MAGI2: variants seen among roughly 807,000 people sequenced by gnomAD.
MAGI2 encodes membrane associated guanylate kinase, WW and PDZ domain containing 2.
MAGI2 carries 35 observed loss-of-function variants against 133.3 expected under a neutral mutation model. The ratio of observed to expected loss-of-function variants is 0.26; its 90% CI spans 0.20 to 0.35. The LOEUF (loss-of-function observed/expected upper bound fraction) is 0.35. Among genes scored for constraint, MAGI2 ranks in the 10% least tolerant of loss-of-function variants. The pLI is 1.00. For missense variants in MAGI2, 1,636 were observed against 1,863.4 expected (o/e 0.88, Z 2.25); for synonymous variants, 729 against 710.6 (o/e 1.03, Z -0.41).
intron 1 of MAGI2, chr7:79,343,375 T>C (rs547982043): frequency 6.6e-6 from 1 of 152,244 alleles, no homozygotes; most frequent in East Asian, 1.9e-4. Flanking sequence ...GTGAGCACCA[T>C]GAGGAACCAC....
chr7:79,176,269 G>C (rs534933163), intron 1 of MAGI2, among the ~76,000 whole-genome samples: 42 of 151,950 alleles, frequency 2.8e-4, no homozygotes, highest in African/African-American at 9.9e-4. Flanking sequence ...CCCCTTCCTG[G>C]TATTGCCCAC....
At chr7:78,579,500 C>G (rs1013563941) in intron 3 of MAGI2, among the ~76,000 whole-genome samples, 1 of 152,132 alleles carries the variant, frequency 6.6e-6, no homozygotes, top group Non-Finnish European at 1.5e-5. Flanking sequence ...CCAGGGAGAA[C>G]AAAGATTAAC....
At chr7:79,016,593 C>T (rs1387282742) in intron 1 of MAGI2, among the ~76,000 whole-genome samples, 2 of 152,172 alleles carry the variant, frequency 1.3e-5, no homozygotes, top group East Asian at 1.9e-4. Flanking sequence ...CCCTACATTG[C>T]TTTGCTGAGG....
At chr7:78,083,577 A>G (rs1399463569) in intron 20 of MAGI2, among the ~76,000 whole-genome samples, 3 of 152,158 alleles carry the variant, frequency 2.0e-5, no homozygotes, top group East Asian at 1.9e-4. Context: ...TTTTTTTCCT[A>G]TGGAAGAAAT....
chr7:78,174,741 C>T (rs1049035040), intron 14 of MAGI2, among the ~76,000 whole-genome samples: 4 of 152,124 alleles, frequency 2.6e-5, no homozygotes, highest in Admixed American at 2.0e-4. Context: ...TGACCATACC[C>T]GAAAGACCAG....
intron 21 of MAGI2, among the ~76,000 whole-genome samples, chr7:78,070,168 CACACACATATAT>C (rs1814370584): frequency 1.3e-5 from 1 of 78,102 alleles, no homozygotes; most frequent in Non-Finnish European, 2.3e-5. Flanking sequence ...TATATACACA[CACACACATATAT>C]ATATATATAT....
chr7:78,659,659 T>C (rs1812718005), intron 2 of MAGI2, among the ~76,000 whole-genome samples: 1 of 152,020 alleles, frequency 6.6e-6, no homozygotes, highest in Admixed American at 6.6e-5. Flanking sequence ...TAGGGAAATA[T>C]GGTGGCTATA....
At chr7:79,390,429 T>C (rs1844517967) in intron 1 of MAGI2, among the ~76,000 whole-genome samples, 2 of 152,164 alleles carry the variant, frequency 1.3e-5, no homozygotes, top group South Asian at 2.1e-4. Context: ...AAATAAAACA[T>C]TAAAGCAAAT....
chr7:79,381,940 G>A (rs188137130), intron 1 of MAGI2, among the ~76,000 whole-genome samples: 112 of 151,708 alleles, frequency 7.4e-4, no homozygotes, highest in Non-Finnish European at 1.4e-3. Context: ...ATATTTGTCT[G>A]AGCTCCTCAC....
Position 78,028,467 on chromosome 7 carries a change from G to A in MAGI2, c.3707-8491C>T, listed in dbSNP as rs552940575. On this transcript the variant is annotated intron_variant, in intron 21 of 21. Coordinates refer to ENST00000354212, the MANE Select transcript of MAGI2 (RefSeq NM_012301.4). ...AGGTGGGGCTGTTAACAATGGAGCA[G>A]CTATCTACTGAGAGCCTTCTATGTA... Among the ~76,000 whole-genome samples the A allele has an allele frequency of 1.6e-4, 25 of 152,322 alleles. No homozygotes were observed. The East Asian group carries it at 4.8e-3, about 29-fold the overall frequency.
intron 1 of MAGI2, among the ~76,000 whole-genome samples, chr7:79,061,673 C>A: frequency 6.6e-6 from 1 of 151,962 alleles, no homozygotes; most frequent in East Asian, 1.9e-4. Flanking sequence ...ACTTTGTATG[C>A]CAATAACAGT....
Position 78,256,435 on chromosome 7 carries a change from G to A in MAGI2, c.1555C>T (p.Pro519Ser). ...GYPLPFDPED[P>S]ANSMVPPLAI... ...AGGGGTGGCACCATGCTGTTAGCAG[G>A]GTCTTCAGGATCAAAGGGCAAAGGG... Residue 519 changes from proline (P) to serine (S), a missense_variant, in exon 10 of 22, where the codon CCT becomes TCT. This residue lies in a region of MAGI2 where 920 missense variants were observed against 1,093.5 expected (regional missense o/e 0.84). Coordinates refer to ENST00000354212, the MANE Select transcript of MAGI2 (RefSeq NM_012301.4). 1 of 1,613,906 alleles carries A rather than the reference G, an allele frequency of 6.2e-7. No homozygotes were observed. Among genetic ancestry groups the A allele is most frequent in the Non-Finnish European group, 8.5e-7 (1 of 1,179,964 alleles).
chr7:78,635,555 T>C (rs1306805686), intron 2 of MAGI2, among the ~76,000 whole-genome samples: 6 of 152,238 alleles, frequency 3.9e-5, no homozygotes, highest in Admixed American at 1.3e-4. Flanking sequence ...ATTAAGTCAA[T>C]GTATTCTAAG....
At chr7:79,037,315 A>G (rs1811217315) in intron 1 of MAGI2, among the ~76,000 whole-genome samples, 1 of 152,176 alleles carries the variant, frequency 6.6e-6, no homozygotes, top group South Asian at 2.1e-4. Flanking sequence ...GACCATAATT[A>G]TACTTCTGGT....
intron 1 of MAGI2, among the ~76,000 whole-genome samples, chr7:79,328,037 T>C (rs1839823952): frequency 6.6e-6 from 1 of 152,200 alleles, no homozygotes; most frequent in Admixed American, 6.5e-5. Flanking sequence ...ATGTTTCAAC[T>C]ACATTTCAGT....
intron 1 of MAGI2, among the ~76,000 whole-genome samples, chr7:79,263,196 CA>C (rs1834200184): frequency 6.6e-6 from 1 of 152,146 alleles, no homozygotes. Flanking sequence ...GCCTCTGTAA[CA>C]CCTAATTATT....
chr7:78,961,738 C>T (rs1802859492), intron 2 of MAGI2, among the ~76,000 whole-genome samples: 1 of 151,964 alleles, frequency 6.6e-6, no homozygotes, highest in African/African-American at 2.4e-5. Context: ...ATTCATTGGC[C>T]TAATTTTATC....
chr7:78,547,932 G>A (rs912839210), intron 3 of MAGI2, among the ~76,000 whole-genome samples: 2 of 152,228 alleles, frequency 1.3e-5, no homozygotes, highest in Non-Finnish European at 2.9e-5. Flanking sequence ...TTAGGAACTG[G>A]TGAGTACAGT....
At chr7:78,361,944 G>A (rs1006782853) in intron 7 of MAGI2, among the ~76,000 whole-genome samples, 2 of 152,144 alleles carry the variant, frequency 1.3e-5, no homozygotes, top group African/African-American at 4.8e-5. Context: ...TTGCCTGGAT[G>A]GTAGTGGTGA....
Sources: gnomAD v4.1 joint callset for allele counts (sites outside exome capture counted in the v4.1 genomes callset) on GRCh38, gnomAD v4.1.1 for gene constraint, gnomAD v4.1.1 regional missense constraint, MANE v1.5 for transcripts, NCBI Gene and HGNC (gene_info 2026-07-23, HGNC 2026-07-21) for gene names.